RET: variants seen among roughly 807,000 people sequenced by gnomAD.
The protein encoded by RET is proto-oncogene tyrosine-protein kinase receptor Ret.
In RET, 19 loss-of-function variants were observed where a neutral mutation model predicts 118.3. That is an observed-to-expected ratio of 0.16 (90% CI 0.11 to 0.24). RET has a LOEUF of 0.24. RET is among the 10% of genes least tolerant of loss of function. RET has a pLI of 1.00. For synonymous variants in RET, 597 were observed against 644.1 expected, an observed-to-expected ratio of 0.93 and a Z score of 1.11; for missense variants, 1,219 against 1,502.1, an observed-to-expected ratio of 0.81 and a Z score of 3.12.
chr10:43,081,966 C>G (rs568062174), intron 1 of RET, among the ~76,000 whole-genome samples: 170 of 152,322 alleles, frequency 1.1e-3, no homozygotes, highest in African/African-American at 3.8e-3. Context: ...CTTTCTCCCC[C>G]CTTCTCTGAG....
At position 43,109,015 on chromosome 10, in the gene RET, G is replaced by T. The variant is rs373327241; in HGVS notation, c.1064-16G>T. Reference sequence around the variant, plus strand: ...CCAGAGCAGCTTGGTGGTCATTGTTGTGCCCCTACCTGCAGGGCTGGTTCT... The same window carrying T: ...CCAGAGCAGCTTGGTGGTCATTGTTTTGCCCCTACCTGCAGGGCTGGTTCT... On this transcript the variant is annotated splice_polypyrimidine_tract_variant and intron_variant, in intron 5 of 19. Transcript: ENST00000355710. 48 of 1,610,330 alleles carry T rather than the reference G, an allele frequency of 3.0e-5. No homozygotes were observed. Among genetic ancestry groups the T allele is most frequent in the Non-Finnish European group, 3.4e-5 (40 of 1,179,814 alleles).
Position 43,119,683 on chromosome 10 carries a change from G to C in RET, c.2545G>C (p.Gly849Arg), listed in dbSNP as rs775828448. The change falls in exon 14 of 20, where the codon GGC becomes CGC. Residue 849 changes from glycine (G) to arginine (R), a missense_variant. Around this residue, in one of 5 missense-constraint regions of RET, gnomAD observed 850 missense variants for 969.6 expected, o/e 0.88. Coordinates refer to ENST00000355710, the MANE Select transcript of RET (RefSeq NM_020975.6). ...CCCGGATGAGCGGGCCCTCACCATG[G>C]GCGACCTCATCTCATTTGCCTGGCA... ...DHPDERALTMGDLISFAWQIS... is the reference protein window; with the variant it reads ...DHPDERALTMRDLISFAWQIS... 1.9e-6 allele frequency: 3 copies of C among 1,613,548 alleles called. No homozygotes were observed. Among genetic ancestry groups the C allele is most frequent in the Non-Finnish European group, 2.5e-6 (3 of 1,179,966 alleles).
intron 1 of RET, among the ~76,000 whole-genome samples, chr10:43,099,855 T>C (rs1175800967): frequency 6.6e-6 from 1 of 152,238 alleles, no homozygotes; most frequent in Non-Finnish European, 1.5e-5. Context: ...TATCCATAGT[T>C]CATCCTTTTC....
intron 5 of RET, 116 bp from the exon 6 acceptor site, chr10:43,108,915 G>C: frequency 1.0e-6 from 1 of 999,598 alleles, no homozygotes; most frequent in South Asian, 1.3e-5. Context: ...CACTGTATGT[G>C]TGAAAGTGCG....
rs779849973 is a variant in RET at position 43,106,396 on chromosome 10, G to C, written c.888G>C (p.Leu296=). 6.2e-7 allele frequency: 1 copy of C among 1,612,206 alleles called. No homozygotes were observed. Among genetic ancestry groups the C allele is most frequent in the South Asian group, 1.1e-5 (1 of 91,032 alleles). The change falls in exon 5 of 20, where the codon CTG becomes CTC. Residue 296 remains leucine (L), a synonymous_variant. Transcript: ENST00000355710. The surrounding 1 kb of genome is among the most constrained non-coding windows in gnomAD (Gnocchi z 5.1). ...KRKEDTVVAT[L]RVFDADVVPA... is the part of the protein sequence containing the mutation. ...TGCAGGACACCGTGGTGGCCACGCT[G>C]CGTGTCTTCGATGCAGACGTGGTAC...
At position 43,102,467 on chromosome 10, in the gene RET, C is replaced by T. The variant is rs1356388972; in HGVS notation, c.463C>T (p.Pro155Ser). ...CTTCTCCTTCTTCAACACCTCCTTT[C>T]CAGCCTGCAGCTCCCTCAAGCCCCG... ...VYFSFFNTSF[P>S]ACSSLKPREL... Residue 155 changes from proline (P) to serine (S), a missense_variant, in exon 3 of 20, where the codon CCA (proline) becomes TCA (serine). Physicochemically the swap from Pro to Ser is moderately conservative, Grantham distance 74 (BLOSUM62 -1). Coordinates refer to ENST00000355710, the MANE Select transcript of RET (RefSeq NM_020975.6). 7 of 1,614,144 alleles carry T rather than the reference C, an allele frequency of 4.3e-6. No homozygotes were observed. Among genetic ancestry groups the T allele is most frequent in the African/African-American group, 1.3e-5 (1 of 74,952 alleles).
In RET at chr10:43,109,130, T is replaced by C. The variant is rs751939820; in HGVS notation, c.1163T>C (p.Val388Ala). The change falls in exon 6 of 20, where the codon GTC becomes GCC. Residue 388 changes from valine (V) to alanine (A), a missense_variant. By Grantham distance (64) the Val-to-Ala change is moderately conservative. Coordinates refer to ENST00000355710, the MANE Select transcript of RET (RefSeq NM_020975.6). ...DSDFQGPGAGVLLLHFNVSVL... is the reference protein window; with the variant it reads ...DSDFQGPGAGALLLHFNVSVL... ...GACTTCCAGGGCCCAGGAGCGGGCG[T>C]CCTCTTGCTCCACTTCAACGTGTCG... 2.6e-5 allele frequency: 42 copies of C among 1,613,730 alleles called. No individual in the cohort carries two copies. Among genetic ancestry groups the C allele is most frequent in the Non-Finnish European group, 3.6e-5 (42 of 1,180,016 alleles).
intron 7 of RET, 27 bp from the exon 8 acceptor site, chr10:43,112,072 G>T: frequency 6.3e-7 from 1 of 1,586,334 alleles, no homozygotes. Context: ...CCAGCCCCCT[G>T]TGACCCTGCT....
intron 8 of RET, 34 bp from the exon 9 acceptor site, chr10:43,112,819 A>G: frequency 6.3e-7 from 1 of 1,580,962 alleles, no homozygotes; most frequent in Non-Finnish European, 8.7e-7. Flanking sequence ...CGGGGCTCCC[A>G]CATGGGTGAC....
At position 43,126,572 on chromosome 10, in the gene RET, C is replaced by T. The variant is rs1177729406; in HGVS notation, c.3040-3C>T. 1.2e-6 allele frequency: 2 copies of T among 1,613,716 alleles called. No individual in the cohort carries two copies. Among genetic ancestry groups the T allele is most frequent in the East Asian group, 4.5e-5 (2 of 44,888 alleles). On this transcript the variant is annotated splice_polypyrimidine_tract_variant and splice_region_variant and intron_variant, in intron 18 of 19. Transcript: ENST00000355710. ...GGAGTGACCGGCCATCTCTGTCTTC[C>T]AGGACTACTTGGACCTTGCGGCGTC...
In RET at chr10:43,097,819, C is replaced by T. The variant is rs574361099; in HGVS notation, c.74-2640C>T. Among the ~76,000 whole-genome samples, 404 of 152,206 alleles carry T rather than the reference C, an allele frequency of 2.7e-3. 2 individuals are homozygous for T. The highest frequency in any genetic ancestry group is 9.5e-3 in the African/African-American group (393 of 41,508). On this transcript the variant is annotated intron_variant, in intron 1 of 19. Transcript: ENST00000355710. The stretch of plus-strand genomic sequence containing the variant: ...CCAGGTGTGTCCTGGAGGAGCCCAG[C>T]GGCCCTGGGGGCGTTCTCAACTGCT...
intron 2 of RET, 81 bp from the exon 3 acceptor site, chr10:43,102,261 C>T: frequency 8.9e-6 from 14 of 1,571,114 alleles, no homozygotes; most frequent in Non-Finnish European, 1.2e-5. Context: ...TACACCAGCC[C>T]TGGAGCTCCT....
chr10:43,124,380 G>C (rs746377951), intron 17 of RET, among the ~76,000 whole-genome samples: 5 of 152,164 alleles, frequency 3.3e-5, no homozygotes, highest in Admixed American at 6.5e-5. Flanking sequence ...GCCCCCAGCT[G>C]GTGGCCAGCT....
intron 18 of RET, 137 bp from the exon 19 acceptor site, chr10:43,126,427 CCTGGCCCTGGT>C: frequency 1.3e-6 from 1 of 788,490 alleles, no homozygotes; most frequent in Admixed American, 1.7e-5. Flanking sequence ...CTCTATGCAG[CCTGGCCCTGGT>C]CTCTTGGAGA....
intron 1 of RET, among the ~76,000 whole-genome samples, chr10:43,096,281 G>A (rs949001937): frequency 8.5e-5 from 13 of 152,092 alleles, no homozygotes; most frequent in African/African-American, 3.1e-4. Context: ...GCAGAAAGGC[G>A]GCAGCAGGAT....
intron 1 of RET, among the ~76,000 whole-genome samples, chr10:43,085,088 G>A (rs1837261700): frequency 6.6e-6 from 1 of 152,226 alleles, no homozygotes; most frequent in South Asian, 2.1e-4. Context: ...AGGCAGCTCT[G>A]GAGGCCAGCA....
At chr10:43,113,115 G>T in intron 9 of RET, 152 bp downstream of exon 9, 1 of 743,650 alleles carries the variant, frequency 1.3e-6, no homozygotes, top group Non-Finnish European at 2.4e-6. Flanking sequence ...TAGCCATGGG[G>T]AGGGAGCAGG....
Position 43,128,140 on chromosome 10 carries a change from G to A in RET, c.3216G>A (p.Glu1072=), listed in dbSNP as rs2133048032. 2 of 1,614,194 alleles carry A rather than the reference G, an allele frequency of 1.2e-6. No individual in the cohort carries two copies. Among genetic ancestry groups the A allele is most frequent in the Non-Finnish European group, 1.7e-6 (2 of 1,180,044 alleles). ...YGMSDPNWPG[E]SPVPLTRADG... is the part of the protein sequence containing the mutation. ...TGTCAGACCCGAACTGGCCTGGAGA[G>A]AGTCCTGTACCACTCACGAGAGCTG... The change falls in exon 20 of 20, where the codon GAG becomes GAA. Residue 1072 remains glutamate, a synonymous_variant. Coordinates refer to ENST00000355710, the MANE Select transcript of RET (RefSeq NM_020975.6).
Position 43,119,688 on chromosome 10 carries a change from C to T in RET, c.2550C>T (p.Asp850=), listed in dbSNP as rs1838163222. ...ATGAGCGGGCCCTCACCATGGGCGACCTCATCTCATTTGCCTGGCAGATCT... is the reference window on the plus strand; with the variant it reads ...ATGAGCGGGCCCTCACCATGGGCGATCTCATCTCATTTGCCTGGCAGATCT... ...HPDERALTMG[D]LISFAWQISQ... The change falls in exon 14 of 20, where the codon GAC becomes GAT. Residue 850 remains aspartate (D), a synonymous_variant. Transcript: ENST00000355710. 6.2e-7 allele frequency: 1 copy of T among 1,613,534 alleles called. No individual in the cohort carries two copies. The highest frequency in any genetic ancestry group is 8.5e-7 in the Non-Finnish European group (1 of 1,179,950).
Sources: gnomAD v4.1 joint callset for allele counts (sites outside exome capture counted in the v4.1 genomes callset) on GRCh38, gnomAD v4.1.1 for gene constraint, gnomAD v4.1.1 regional missense constraint, Gnocchi (gnomAD v3.1) non-coding constraint, MANE v1.5 for transcripts, NCBI Gene and HGNC (gene_info 2026-07-23, HGNC 2026-07-21) for gene names.